Variants in LMBR1 observed in about 807,000 individuals in gnomAD.
The protein encoded by LMBR1 is limb region 1 protein homolog.
LMBR1 carries 52 observed loss-of-function variants against 73.9 expected under a neutral mutation model. That is an observed-to-expected ratio of 0.70 (90% CI 0.56 to 0.89). The LOEUF is 0.89. LMBR1 is among the 40% of genes least tolerant of loss of function. The probability of loss-of-function intolerance (pLI) is 0.00; values close to 1 mark genes in which losing one functional copy is unlikely to be tolerated. For missense variants in LMBR1, 539 were observed against 579.8 expected (o/e 0.93, Z 0.72); for synonymous variants, 215 against 209.4 (o/e 1.03, Z -0.23).
intron 1 of LMBR1, among the ~76,000 whole-genome samples, chr7:156,877,298 T>C (rs1273896252): frequency 6.7e-6 from 1 of 150,062 alleles, no homozygotes; most frequent in Admixed American, 6.6e-5. Context: ...CAGGACCAGA[T>C]GGATTTATAG....
chr7:156,841,057 C>T (rs984120125), intron 1 of LMBR1, among the ~76,000 whole-genome samples: 5 of 151,452 alleles, frequency 3.3e-5, no homozygotes, highest in Non-Finnish European at 7.4e-5. Flanking sequence ...TGCAGGAAGC[C>T]GAGAGCAGCC....
intron 5 of LMBR1, among the ~76,000 whole-genome samples, chr7:156,769,507 G>C (rs1001611590): frequency 6.6e-6 from 1 of 152,120 alleles, no homozygotes; most frequent in Non-Finnish European, 1.5e-5. Context: ...ACTAAACCTG[G>C]AATACAAGGT....
chr7:156,838,301 T>C (rs141081493), intron 1 of LMBR1, among the ~76,000 whole-genome samples: 7 of 152,342 alleles, frequency 4.6e-5, no homozygotes, highest in African/African-American at 1.7e-4. Context: ...CTTCATGTTA[T>C]ACAATAGATT....
intron 5 of LMBR1, among the ~76,000 whole-genome samples, chr7:156,774,574 G>A (rs765253860): frequency 1.6e-4 from 25 of 152,222 alleles, no homozygotes; most frequent in Non-Finnish European, 3.2e-4. Flanking sequence ...GCTCACACCT[G>A]TAATCCCAGC....
rs771159834 is a variant in LMBR1, at chr7:156,763,795, C to A, written c.424G>T (p.Gly142Ter). 1 of 1,582,982 alleles carries A rather than the reference C, an allele frequency of 6.3e-7. No homozygotes were observed. The highest frequency in any genetic ancestry group is 8.5e-7 in the Non-Finnish European group (1 of 1,170,720). ...GTCTCTAAAATGCGGGCTCGGATTC[C>A]CTGAAAAATAGAGTAGAAATATAAT... ...ESEGFAGLKKGIRARILETLV... is the reference protein window; with the variant it reads ...ESEGFAGLKK Residue 142 changes from glycine to a stop codon, truncating the protein, a stop_gained and splice_region_variant, in exon 6 of 17, where the codon GGA (glycine) becomes TGA (stop). Transcript: ENST00000353442. LOFTEE classifies it high-confidence loss of function.
intron 15 of LMBR1, among the ~76,000 whole-genome samples, chr7:156,708,664 T>C (rs993779886): frequency 3.9e-5 from 6 of 152,188 alleles, no homozygotes; most frequent in Non-Finnish European, 5.9e-5. Flanking sequence ...GCAAATTTTC[T>C]TGAGCAGAAT....
intron 1 of LMBR1, among the ~76,000 whole-genome samples, chr7:156,890,823 A>C (rs1342917709): frequency 6.6e-6 from 1 of 152,192 alleles, no homozygotes; most frequent in African/African-American, 2.4e-5. Context: ...CACACTCTTT[A>C]ACCTAGGGAT....
intron 8 of LMBR1, among the ~76,000 whole-genome samples, chr7:156,757,305 C>T (rs927559261): frequency 6.6e-6 from 1 of 152,196 alleles, no homozygotes; most frequent in Non-Finnish European, 1.5e-5. Context: ...TAACATGCAA[C>T]ACTTTCCATT....
intron 1 of LMBR1, among the ~76,000 whole-genome samples, chr7:156,869,566 A>T (rs569613458): frequency 6.6e-6 from 1 of 152,316 alleles, no homozygotes; most frequent in Non-Finnish European, 1.5e-5. Flanking sequence ...AATCAGCAAA[A>T]CCCAAAGGTA....
At chr7:156,821,484 T>C (rs1834792656) in intron 4 of LMBR1, among the ~76,000 whole-genome samples, 1 of 152,230 alleles carries the variant, frequency 6.6e-6, no homozygotes, top group Non-Finnish European at 1.5e-5. Flanking sequence ...GCTGTACATC[T>C]GGTGGTTTGC....
At chr7:156,786,996 G>A (rs1828220493) in intron 5 of LMBR1, among the ~76,000 whole-genome samples, 1 of 152,040 alleles carries the variant, frequency 6.6e-6, no homozygotes, top group Admixed American at 6.6e-5. Flanking sequence ...CAACAATACA[G>A]GTATCTATAG....
chr7:156,740,222 CA>C (rs1472452754), intron 9 of LMBR1, among the ~76,000 whole-genome samples: 1 of 151,796 alleles, frequency 6.6e-6, no homozygotes, highest in Non-Finnish European at 1.5e-5. Flanking sequence ...AAAAAAGAAT[CA>C]AAAAGAATGA....
rs763836075 is a variant in LMBR1 at position 156,683,932 on chromosome 7, G to A, written c.*146C>T. The A allele has an allele frequency of 4.9e-5, 33 of 674,022 alleles. No homozygotes were observed. Among genetic ancestry groups the A allele is most frequent in the Non-Finnish European group, 6.8e-5 (26 of 382,626 alleles). 41.8% of individuals were successfully genotyped at this position (674,022 alleles called of 1,614,324 possible). A position where few individuals can be genotyped will look rare whatever the true frequency, so the allele number is the denominator to read the frequency against. On this transcript the variant is annotated 3_prime_UTR_variant, in exon 17 of 17. Transcript: ENST00000353442. The stretch of plus-strand genomic sequence containing the variant: ...AAGATCAGCCATAGCCAAGTTCTTC[G>A]TAGATTATGAAAAAAAAATGGCACT...
chr7:156,851,039 G>A (rs1177163779), intron 1 of LMBR1, among the ~76,000 whole-genome samples: 1 of 151,892 alleles, frequency 6.6e-6, no homozygotes, highest in Non-Finnish European at 1.5e-5. Context: ...TATGACACCC[G>A]CCACTTCACC....
At position 156,728,591 on chromosome 7, in the gene LMBR1, G is replaced by C; in HGVS notation, c.915+53C>G. ...GAGGGAGCTGCCATACTCAAATGCT[G>C]AAGTAAATAAAATATAATTTGCTTT... is the stretch of plus-strand genomic sequence containing the variant. On this transcript the variant is annotated intron_variant, in intron 11 of 16. Transcript: ENST00000353442. 2.3e-6 allele frequency: 3 copies of C among 1,303,976 alleles called. No individual in the cohort carries two copies. The South Asian group carries it at 3.9e-5, about 17-fold the overall frequency. 80.8% of individuals were successfully genotyped at this position (1,303,976 alleles called of 1,614,324 possible).
At chr7:156,763,328 T>A (rs1823474102) in intron 6 of LMBR1, 152 bp from the exon 7 acceptor site, 1 of 470,626 alleles carries the variant, frequency 2.1e-6, no homozygotes, top group South Asian at 4.8e-5. Context: ...ATTTCTAAAT[T>A]GTACAATAAA....
At chr7:156,807,564 T>C (rs1832366461) in intron 4 of LMBR1, among the ~76,000 whole-genome samples, 2 of 152,206 alleles carry the variant, frequency 1.3e-5, no homozygotes, top group African/African-American at 2.4e-5. Flanking sequence ...AATTGGTCTC[T>C]TCTTTTTTGC....
intron 5 of LMBR1, among the ~76,000 whole-genome samples, chr7:156,776,946 G>A (rs1352598060): frequency 1.4e-5 from 2 of 142,388 alleles, no homozygotes; most frequent in Non-Finnish European, 3.1e-5. Context: ...TTTTTTTTTG[G>A]TTTTGAGATG....
chr7:156,769,435 C>T (rs533123266), intron 5 of LMBR1, among the ~76,000 whole-genome samples: 1 of 152,240 alleles, frequency 6.6e-6, no homozygotes, highest in South Asian at 2.1e-4. Context: ...CTTCCTCCTC[C>T]GCCTCCCTCT....
Sources: gnomAD v4.1 joint callset for allele counts (sites outside exome capture counted in the v4.1 genomes callset) on GRCh38, gnomAD v4.1.1 for gene constraint, MANE v1.5 for transcripts, NCBI Gene and HGNC (gene_info 2026-07-23, HGNC 2026-07-21) for gene names.